HS6ST2: variants seen among roughly 807,000 people sequenced by gnomAD.
The protein encoded by HS6ST2 is heparan sulfate 6-O-sulfotransferase 2.
HS6ST2 carries 17 observed loss-of-function variants against 33.0 expected under a neutral mutation model. That is an observed-to-expected ratio of 0.52 (90% CI 0.35 to 0.77). The LOEUF is 0.77. Among genes scored for constraint, HS6ST2 ranks in the 30% least tolerant of loss-of-function variants. The probability of loss-of-function intolerance (pLI) is 0.01; values close to 1 mark genes in which losing one functional copy is unlikely to be tolerated. For synonymous variants in HS6ST2, 248 were observed against 237.1 expected (o/e 1.05, Z -0.42); for missense variants, 519 against 551.7 (o/e 0.94, Z 0.59).
intron 2 of HS6ST2, among the ~76,000 whole-genome samples, chrX:132,921,783 T>C (rs1602876728): frequency 8.9e-6 from 1 of 112,292 alleles, no homozygotes; most frequent in African/African-American, 3.2e-5. Context: ...ACCTTCCTGC[T>C]TTCATCCTGG....
intron 2 of HS6ST2, among the ~76,000 whole-genome samples, chrX:132,755,545 G>A (rs1011418511): frequency 1.3e-4 from 14 of 110,961 alleles, no homozygotes; most frequent in African/African-American, 3.0e-4. Context: ...CCACAGGATG[G>A]CTGCCTGATT....
chrX:132,862,321 G>T (rs764937863), intron 2 of HS6ST2, among the ~76,000 whole-genome samples: 9 of 111,597 alleles, frequency 8.1e-5, no homozygotes, highest in South Asian at 7.6e-4. Context: ...TTCTTTCAAT[G>T]GTTAATTGCA....
At chrX:132,719,229 A>T in intron 2 of HS6ST2, among the ~76,000 whole-genome samples, 1 of 111,851 alleles carries the variant, frequency 8.9e-6, no homozygotes, top group South Asian at 3.8e-4. Flanking sequence ...ATCAAGCCCA[A>T]ACTCTGCATT....
At chrX:132,863,687 A>C (rs1250474148) in intron 2 of HS6ST2, among the ~76,000 whole-genome samples, 3 of 110,837 alleles carry the variant, frequency 2.7e-5, no homozygotes, top group Non-Finnish European at 5.7e-5. Context: ...GATGAAACTG[A>C]ATTGAGGATC....
chrX:132,703,556 G>T (rs1341690605), intron 3 of HS6ST2, among the ~76,000 whole-genome samples: 1 of 112,222 alleles, frequency 8.9e-6, no homozygotes. Flanking sequence ...CCCTGAGCCT[G>T]CAGTTTCTGT....
At chrX:132,655,966 A>G (rs2063727381) in intron 4 of HS6ST2, among the ~76,000 whole-genome samples, 1 of 111,292 alleles carries the variant, frequency 9.0e-6, no homozygotes, top group Non-Finnish European at 1.9e-5. Flanking sequence ...TCCCCAAGCA[A>G]ATGGTCTTTC....
At chrX:132,846,442 T>C (rs1401919033) in intron 2 of HS6ST2, among the ~76,000 whole-genome samples, 4 of 112,396 alleles carry the variant, frequency 3.6e-5, no homozygotes, top group Admixed American at 9.4e-5. Flanking sequence ...TCTGATGATC[T>C]TGACCAACAG....
chrX:132,667,822 T>C (rs1351803585), intron 4 of HS6ST2: 1 of 112,465 alleles, frequency 8.9e-6, no homozygotes, highest in East Asian at 2.8e-4. Flanking sequence ...TAAGAGTGCG[T>C]GTTAACAATG....
intron 2 of HS6ST2, among the ~76,000 whole-genome samples, chrX:132,920,304 T>C (rs2066639190): frequency 9.1e-6 from 1 of 110,119 alleles, no homozygotes; most frequent in South Asian, 3.9e-4. Context: ...TGGAAGTGTG[T>C]CAATCTCCTG....
chrX:132,859,788 CA>C (rs1465537890), intron 2 of HS6ST2, among the ~76,000 whole-genome samples: 5 of 71,650 alleles, frequency 7.0e-5, no homozygotes, highest in Non-Finnish European at 1.0e-4. Context: ...GAGAGAGAAA[CA>C]AAGGAAGGAA....
intron 4 of HS6ST2, among the ~76,000 whole-genome samples, chrX:132,629,450 A>G (rs765144452): frequency 9.0e-6 from 1 of 111,449 alleles, no homozygotes; most frequent in Non-Finnish European, 1.9e-5. Context: ...TTGGCTAACT[A>G]GGCAACCACT....
intron 2 of HS6ST2, among the ~76,000 whole-genome samples, chrX:132,846,809 A>G (rs1168390622): frequency 9.1e-6 from 1 of 110,385 alleles, no homozygotes; most frequent in East Asian, 2.8e-4. Flanking sequence ...GTGGGAGAAG[A>G]TACAAATGCC....
intron 2 of HS6ST2, among the ~76,000 whole-genome samples, chrX:132,725,118 C>T (rs1032947764): frequency 1.3e-4 from 14 of 111,180 alleles, no homozygotes; most frequent in Admixed American, 4.8e-4. Context: ...ATACCCTACA[C>T]GCACAGGCAA....
intron 2 of HS6ST2, among the ~76,000 whole-genome samples, chrX:132,911,488 C>T (rs1340685124): frequency 8.9e-6 from 1 of 111,923 alleles, no homozygotes; most frequent in African/African-American, 3.3e-5. Flanking sequence ...GACATTTATC[C>T]CAGGGACAAA....
At chrX:132,791,568 T>A (rs1244603614) in intron 2 of HS6ST2, among the ~76,000 whole-genome samples, 1 of 112,233 alleles carries the variant, frequency 8.9e-6, no homozygotes, top group Non-Finnish European at 1.9e-5. Flanking sequence ...TTTTCAGATG[T>A]CAAAATAATA....
At chrX:132,765,061 C>G (rs188637776) in intron 2 of HS6ST2, among the ~76,000 whole-genome samples, 5 of 112,245 alleles carry the variant, frequency 4.5e-5, no homozygotes, top group Admixed American at 3.8e-4. Context: ...CTACAGAGTG[C>G]TAAGCACTGG....
intron 3 of HS6ST2, among the ~76,000 whole-genome samples, chrX:132,670,426 A>G (rs2063859185): frequency 9.0e-6 from 1 of 111,045 alleles, no homozygotes; most frequent in South Asian, 3.9e-4. Context: ...GTGATTGCAA[A>G]GGTAATAAAG....
At chrX:132,927,994 T>G (rs965389008) in intron 2 of HS6ST2, among the ~76,000 whole-genome samples, 1 of 111,676 alleles carries the variant, frequency 9.0e-6, no homozygotes, top group African/African-American at 3.3e-5. Context: ...TGTTAGCATC[T>G]GCTTGGCTTT....
chrX:132,644,214 AG>A (rs2063624149), intron 4 of HS6ST2, among the ~76,000 whole-genome samples: 1 of 100,965 alleles, frequency 9.9e-6, no homozygotes, highest in African/African-American at 3.6e-5. Flanking sequence ...GGAGGAAGAA[AG>A]GGGGGAGGGA....
Sources: gnomAD v4.1 joint callset for allele counts (sites outside exome capture counted in the v4.1 genomes callset) on GRCh38, gnomAD v4.1.1 for gene constraint, MANE v1.5 for transcripts, NCBI Gene and HGNC (gene_info 2026-07-23, HGNC 2026-07-21) for gene names.